The following ANKRD11 variants were observed in gnomAD, a reference collection of about 807,000 sequenced individuals.
The protein encoded by ANKRD11 is ankyrin repeat domain-containing protein 11.
ANKRD11 carries 17 observed loss-of-function variants against 195.7 expected under a neutral mutation model. The ratio of observed to expected loss-of-function variants is 0.09; its 90% CI spans 0.06 to 0.13. The LOEUF (loss-of-function observed/expected upper bound fraction) is 0.13. Ranked by LOEUF, ANKRD11 falls within the 10% of genes least tolerant of loss-of-function variation. The probability of loss-of-function intolerance (pLI) is 1.00; values close to 1 mark genes in which losing one functional copy is unlikely to be tolerated. For synonymous variants in ANKRD11, 1,953 were observed against 1,528.1 expected (o/e 1.28, Z -6.49); for missense variants, 3,735 against 3,566.1 (o/e 1.05, Z -1.21).
intron 11 of ANKRD11, chr16:89,273,175 G>C (rs1481493007): frequency 6.6e-6 from 1 of 151,920 alleles, no homozygotes; most frequent in Non-Finnish European, 1.5e-5. Context: ...TGGATTGTTT[G>C]TAACTCAAGG....
intron 1 of ANKRD11, among the ~76,000 whole-genome samples, chr16:89,488,731 A>C (rs2057704194): frequency 6.6e-6 from 1 of 152,168 alleles, no homozygotes; most frequent in Non-Finnish European, 1.5e-5. Flanking sequence ...AAGGATCAAA[A>C]GATTCTCTAA....
rs1174979226 is a variant in ANKRD11, at chr16:89,280,767, G to A, written c.5775C>T (p.Pro1925=). The change falls in exon 9 of 13, where the codon CCC becomes CCT. Residue 1925 remains proline, a synonymous_variant. Coordinates refer to ENST00000301030, the MANE Select transcript of ANKRD11 (RefSeq NM_013275.6). ...EDQQATAAII[P]PEPSYLEPLD... ...GCGGCTCCAGGTAGCTGGGCTCCGG[G>A]GGGATGATGGCGGCCGTCGCCTGCT... 1.2e-6 allele frequency: 2 copies of A among 1,612,568 alleles called. No individual in the cohort carries two copies. Among genetic ancestry groups the A allele is most frequent in the South Asian group, 1.1e-5 (1 of 91,050 alleles).
intron 1 of ANKRD11, among the ~76,000 whole-genome samples, chr16:89,446,322 G>A (rs1454141351): frequency 6.6e-6 from 1 of 152,166 alleles, no homozygotes; most frequent in Non-Finnish European, 1.5e-5. Context: ...ACACTGAGGT[G>A]GACGGGCGCA....
rs1382640864 is a variant in ANKRD11 at position 89,274,615 on chromosome 16, T to TC, written c.7713+198dup. 14 of 763,280 alleles carry TC rather than the reference T, an allele frequency of 1.8e-5. No individual in the cohort carries two copies. The East Asian group carries it at 3.8e-4, about 21-fold the overall frequency. 47.3% of individuals were successfully genotyped at this position (763,280 alleles called of 1,614,324 possible). On this transcript the variant is annotated intron_variant, in intron 11 of 12. Coordinates refer to ENST00000301030, the MANE Select transcript of ANKRD11 (RefSeq NM_013275.6). ...AGGGCCTTGCCCGTGCGGGGAGCTG[T>TC]CTGCTGTCTGCTGCAGCCTTCTTGG...
intron 1 of ANKRD11, among the ~76,000 whole-genome samples, chr16:89,421,894 C>T (rs2042525308): frequency 6.6e-6 from 1 of 152,200 alleles, no homozygotes; most frequent in South Asian, 2.1e-4. Flanking sequence ...GTTAAAACAA[C>T]AGGGAGTTGC....
intron 2 of ANKRD11, among the ~76,000 whole-genome samples, chr16:89,347,133 C>A (rs534321735): frequency 1.1e-4 from 16 of 152,132 alleles, no homozygotes; most frequent in African/African-American, 3.9e-4. Flanking sequence ...TTGGTCCGGG[C>A]ATCAGAGGAA....
At chr16:89,361,335 G>C (rs1458367065) in intron 2 of ANKRD11, among the ~76,000 whole-genome samples, 1 of 152,168 alleles carries the variant, frequency 6.6e-6, no homozygotes, top group Non-Finnish European at 1.5e-5. Flanking sequence ...CGGGGGCGGG[G>C]GGTGCTGCAG....
chr16:89,295,962 G>T (rs1300480091), intron 4 of ANKRD11, among the ~76,000 whole-genome samples: 1 of 130,042 alleles, frequency 7.7e-6, no homozygotes, highest in Non-Finnish European at 1.6e-5. Flanking sequence ...GCTCTGCAGG[G>T]AGTGTCTTCT....
At chr16:89,369,657 T>C (rs537531727) in intron 2 of ANKRD11, among the ~76,000 whole-genome samples, 2 of 152,298 alleles carry the variant, frequency 1.3e-5, no homozygotes, top group East Asian at 3.9e-4. Flanking sequence ...GTCCTTGTGG[T>C]GACGCAAGGG....
chr16:89,403,806 G>A (rs544381468), intron 2 of ANKRD11: 7 of 152,230 alleles, frequency 4.6e-5, no homozygotes, highest in Admixed American at 2.0e-4. Flanking sequence ...GGTGACATGC[G>A]TCTGGAGTCC....
At chr16:89,359,452 C>T (rs1423128340) in intron 2 of ANKRD11, among the ~76,000 whole-genome samples, 2 of 152,338 alleles carry the variant, frequency 1.3e-5, no homozygotes, top group East Asian at 1.9e-4. Flanking sequence ...GCAGCGCACA[C>T]GTCTGCTGCA....
intron 2 of ANKRD11, among the ~76,000 whole-genome samples, chr16:89,402,548 C>T (rs985430609): frequency 6.6e-6 from 1 of 151,046 alleles, no homozygotes; most frequent in Non-Finnish European, 1.5e-5. Context: ...CGTATGGTGC[C>T]GCACACCAGC....
At chr16:89,322,122 G>C (rs533465083) in intron 2 of ANKRD11, among the ~76,000 whole-genome samples, 7 of 152,304 alleles carry the variant, frequency 4.6e-5, no homozygotes, top group African/African-American at 1.7e-4. Context: ...AAAGTTAAAA[G>C]TTCTACACAA....
intron 1 of ANKRD11, among the ~76,000 whole-genome samples, chr16:89,475,537 C>T (rs988488873): frequency 3.9e-5 from 6 of 152,104 alleles, no homozygotes; most frequent in African/African-American, 1.2e-4. Context: ...TAGAAGACAT[C>T]GGTAACATTA....
intron 3 of ANKRD11, among the ~76,000 whole-genome samples, chr16:89,310,402 AG>A (rs1436482498): frequency 2.0e-5 from 3 of 152,224 alleles, no homozygotes; most frequent in African/African-American, 7.2e-5. Flanking sequence ...TTCTTTCTCA[AG>A]GTGGCTTTGG....
intron 2 of ANKRD11, among the ~76,000 whole-genome samples, chr16:89,397,226 G>A (rs2041478091): frequency 6.6e-6 from 1 of 152,160 alleles, no homozygotes; most frequent in African/African-American, 2.4e-5. Context: ...ACCTGGGTGA[G>A]GGGAGCACGG....
intron 2 of ANKRD11, among the ~76,000 whole-genome samples, chr16:89,361,096 T>C (rs1227867534): frequency 6.6e-6 from 1 of 152,170 alleles, no homozygotes; most frequent in Non-Finnish European, 1.5e-5. Flanking sequence ...CCTACTCTCA[T>C]TGTGGAAACC....
chr16:89,280,849 A>T lies in ANKRD11; in HGVS notation c.5693T>A (p.Leu1898Gln). The stretch of plus-strand genomic sequence containing the variant: ...GGCCCCTTCGAGGGAAGGAACCAGC[A>T]GCTCGGCTCTGGGGGAAGGGGAAGG... Reference protein sequence around the residue: ...AKPSPSPRAELLVPSLEGALP... With the variant: ...AKPSPSPRAEQLVPSLEGALP... Residue 1898 changes from leucine to glutamine, a missense_variant, in exon 9 of 13, where the codon CTG (leucine) becomes CAG (glutamine). Leu to Gln is a moderately radical substitution (Grantham distance 113). Coordinates refer to ENST00000301030, the MANE Select transcript of ANKRD11 (RefSeq NM_013275.6). 6.2e-7 allele frequency: 1 copy of T among 1,603,290 alleles called. No homozygotes were observed. The highest frequency in any genetic ancestry group is 1.1e-5 in the South Asian group (1 of 90,654).
chr16:89,268,690 G>A (rs1323518169), intron 12 of ANKRD11, 27 bp from the exon 13 acceptor site: 6 of 1,565,778 alleles, frequency 3.8e-6, no homozygotes, highest in Non-Finnish European at 5.2e-6. Flanking sequence ...GGGGAGAGGA[G>A]GGAGGAGGAG....
Sources: gnomAD v4.1 joint callset for allele counts (sites outside exome capture counted in the v4.1 genomes callset) on GRCh38, gnomAD v4.1.1 for gene constraint, MANE v1.5 for transcripts, NCBI Gene and HGNC (gene_info 2026-07-23, HGNC 2026-07-21) for gene names.